MAP3K20: variants seen among roughly 807,000 people sequenced by gnomAD.
MAP3K20 encodes the protein HCCS-4.
A neutral mutation model predicts 85.7 loss-of-function variants in MAP3K20; 40 were observed. That is an observed-to-expected ratio of 0.47 (90% CI 0.36 to 0.61). MAP3K20 has a LOEUF of 0.61. Ranked by LOEUF, MAP3K20 falls within the 20% of genes least tolerant of loss-of-function variation. The pLI, the probability that MAP3K20 is intolerant of heterozygous loss-of-function variation, is 0.00. For synonymous variants in MAP3K20, 325 were observed against 327.7 expected, an observed-to-expected ratio of 0.99 and a Z score of 0.09; for missense variants, 817 against 961.7, an observed-to-expected ratio of 0.85 and a Z score of 1.99.
chr2:173,221,310 T>G (rs1284339523), intron 11 of MAP3K20: 1 of 1,613,882 alleles, frequency 6.2e-7, no homozygotes, highest in Non-Finnish European at 8.5e-7. Context: ...CTGATGGGCT[T>G]TGGGGATATC....
At chr2:173,169,488 A>G (rs776801054) in intron 2 of MAP3K20, among the ~76,000 whole-genome samples, 3 of 152,126 alleles carry the variant, frequency 2.0e-5, no homozygotes, top group South Asian at 2.1e-4. Flanking sequence ...TCGGAGGCCA[A>G]GGTGGGAGGA....
At chr2:173,139,825 A>T (rs892247695) in intron 2 of MAP3K20, among the ~76,000 whole-genome samples, 1 of 152,156 alleles carries the variant, frequency 6.6e-6, no homozygotes, top group African/African-American at 2.4e-5. Flanking sequence ...TTCTATTCAT[A>T]GCCATTTGTT....
At chr2:173,262,875 T>C (rs1685328960) in intron 18 of MAP3K20, among the ~76,000 whole-genome samples, 1 of 152,210 alleles carries the variant, frequency 6.6e-6, no homozygotes, top group Non-Finnish European at 1.5e-5. Flanking sequence ...GGAAAAGCCC[T>C]CTTGTTAGTA....
chr2:173,088,758 C>A (rs374001064), intron 1 of MAP3K20, among the ~76,000 whole-genome samples: 34 of 152,270 alleles, frequency 2.2e-4, no homozygotes, highest in African/African-American at 8.2e-4. Flanking sequence ...ACTCTATATA[C>A]CTACCCTTGG....
chr2:173,200,603 T>C (rs759970897), intron 8 of MAP3K20, among the ~76,000 whole-genome samples: 15 of 152,162 alleles, frequency 9.9e-5, no homozygotes, highest in Non-Finnish European at 2.2e-4. Flanking sequence ...GAAATAATTA[T>C]AGATTCACAG....
chr2:173,143,469 G>T (rs1406480103), intron 2 of MAP3K20, among the ~76,000 whole-genome samples: 1 of 152,046 alleles, frequency 6.6e-6, no homozygotes, highest in African/African-American at 2.4e-5. Context: ...TTATCTTCAG[G>T]TGCACATGGA....
chr2:173,206,298 G>T (rs1283757074), intron 9 of MAP3K20, among the ~76,000 whole-genome samples: 1 of 152,172 alleles, frequency 6.6e-6, no homozygotes, highest in African/African-American at 2.4e-5. Context: ...CTGTGCAGCT[G>T]GCATGTCTTT....
intron 9 of MAP3K20, among the ~76,000 whole-genome samples, chr2:173,206,220 A>G (rs1052840298): frequency 1.3e-5 from 2 of 152,220 alleles, no homozygotes; most frequent in African/African-American, 4.8e-5. Context: ...CATTAATTAA[A>G]ATTCTAAGAA....
chr2:173,156,356 C>T (rs989159749), intron 2 of MAP3K20, among the ~76,000 whole-genome samples: 3 of 152,054 alleles, frequency 2.0e-5, no homozygotes, highest in East Asian at 1.9e-4. Context: ...CCTGGTCAAC[C>T]GAAGAGCTGA....
chr2:173,180,040 C>T (rs1690280157), intron 3 of MAP3K20, among the ~76,000 whole-genome samples: 1 of 152,092 alleles, frequency 6.6e-6, no homozygotes, highest in Non-Finnish European at 1.5e-5. Context: ...GCAGTTCTCC[C>T]CAAAATGATC....
At chr2:173,106,376 AGGCTCACATATATTT>A (rs1449453769) in intron 2 of MAP3K20, among the ~76,000 whole-genome samples, 1 of 152,262 alleles carries the variant, frequency 6.6e-6, no homozygotes, top group Non-Finnish European at 1.5e-5. Flanking sequence ...GTCCAGAATT[AGGCTCACATATATTT>A]GGTCAGTAGA....
chr2:173,248,149 G>C (rs1684963567), intron 16 of MAP3K20, among the ~76,000 whole-genome samples: 3 of 152,172 alleles, frequency 2.0e-5, no homozygotes, highest in Non-Finnish European at 4.4e-5. Flanking sequence ...GGTTAGGATG[G>C]GTCATTTTCT....
intron 2 of MAP3K20, among the ~76,000 whole-genome samples, chr2:173,110,211 A>T (rs1459175053): frequency 1.5e-4 from 1 of 6,584 alleles, no homozygotes. Context: ...ATATATATAT[A>T]TATATATATA....
At chr2:173,142,614 C>T (rs1302376318) in intron 2 of MAP3K20, among the ~76,000 whole-genome samples, 6 of 151,520 alleles carry the variant, frequency 4.0e-5, no homozygotes, top group Non-Finnish European at 8.8e-5. Context: ...TTAGAGCAAC[C>T]ACTACCTACC....
chr2:173,242,029 C>T (rs1684793744), intron 16 of MAP3K20, among the ~76,000 whole-genome samples: 1 of 152,104 alleles, frequency 6.6e-6, no homozygotes, highest in African/African-American at 2.4e-5. Context: ...TTGCACATTT[C>T]AATTGCCTTT....
chr2:173,081,689 G>A (rs917328614), intron 1 of MAP3K20, among the ~76,000 whole-genome samples: 2 of 152,162 alleles, frequency 1.3e-5, no homozygotes, highest in Non-Finnish European at 1.5e-5. Context: ...CCCAGTTTGG[G>A]AGGAGAAATT....
At chr2:173,165,698 G>C (rs972235084) in intron 2 of MAP3K20, among the ~76,000 whole-genome samples, 1 of 152,092 alleles carries the variant, frequency 6.6e-6, no homozygotes, top group Non-Finnish European at 1.5e-5. Flanking sequence ...TTTAGACAGG[G>C]TCTCACTCTG....
At chr2:173,181,773 C>T (rs187282490) in intron 3 of MAP3K20, among the ~76,000 whole-genome samples, 251 of 151,912 alleles carry the variant, frequency 1.7e-3, no homozygotes, top group African/African-American at 5.4e-3. Context: ...TGCGGCCAGG[C>T]GCAGTGGCTC....
chr2:173,096,989 A>C (rs1687480198), intron 2 of MAP3K20, among the ~76,000 whole-genome samples: 1 of 152,212 alleles, frequency 6.6e-6, no homozygotes, highest in African/African-American at 2.4e-5. Flanking sequence ...GTGGTGCAGA[A>C]AGACATTGTG....
Sources: allele counts gnomAD v4.1 joint callset (sites outside exome capture counted in the v4.1 genomes callset), GRCh38; gene constraint gnomAD v4.1.1; transcripts MANE v1.5; gene names NCBI Gene and HGNC (gene_info 2026-07-23, HGNC 2026-07-21).